OMA1: variants seen among roughly 807,000 people sequenced by gnomAD.
The protein encoded by OMA1 is metalloendopeptidase OMA1, mitochondrial.
Under a neutral mutation model 30.9 loss-of-function variants are expected in OMA1, and 38 were observed. The ratio of observed to expected loss-of-function variants is 1.23; its 90% CI spans 0.95 to 1.61. OMA1 has a LOEUF of 1.61. OMA1 is among the 40% of genes most tolerant of loss of function. The probability of loss-of-function intolerance (pLI) is 0.00; values close to 1 mark genes in which losing one functional copy is unlikely to be tolerated. For missense variants in OMA1, 461 were observed against 349.2 expected, an observed-to-expected ratio of 1.32 and a Z score of -2.55; for synonymous variants, 173 against 121.9, an observed-to-expected ratio of 1.42 and a Z score of -2.76.
chr1:58,488,376 C>T (rs969820695), intron 8 of OMA1, among the ~76,000 whole-genome samples: 21 of 152,178 alleles, frequency 1.4e-4, no homozygotes, highest in African/African-American at 4.6e-4. Context: ...TGTTCAGTTA[C>T]GTGAAAAAGT....
intron 6 of OMA1, 88 bp from the exon 7 acceptor site, chr1:58,527,423 C>A (rs569086664): frequency 4.1e-6 from 3 of 723,924 alleles, no homozygotes; most frequent in East Asian, 2.6e-5. Context: ...AAAACAGTTT[C>A]ATGGAGTATC....
intron 8 of OMA1, among the ~76,000 whole-genome samples, chr1:58,482,692 G>A (rs942275127): frequency 4.6e-5 from 7 of 152,092 alleles, no homozygotes; most frequent in Non-Finnish European, 1.0e-4. Flanking sequence ...GGGTCAAGAG[G>A]GGGACAGACC....
intron 6 of OMA1, among the ~76,000 whole-genome samples, chr1:58,528,831 A>C (rs1407251081): frequency 1.3e-5 from 2 of 152,370 alleles, no homozygotes; most frequent in East Asian, 3.9e-4. Flanking sequence ...CCTCGTCACC[A>C]AAATTATTGA....
At chr1:58,518,953 A>C (rs1380166323) in intron 7 of OMA1, among the ~76,000 whole-genome samples, 1 of 152,220 alleles carries the variant, frequency 6.6e-6, no homozygotes, top group Non-Finnish European at 1.5e-5. Context: ...ACTTGATCAT[A>C]ATCACACAGC....
intron 6 of OMA1, among the ~76,000 whole-genome samples, chr1:58,529,966 T>C (rs1463685932): frequency 2.6e-5 from 4 of 152,036 alleles, no homozygotes; most frequent in Non-Finnish European, 5.9e-5. Context: ...CAGCAAGCTC[T>C]GCCTCCTGGG....
At chr1:58,529,538 C>T (rs1646400909) in intron 6 of OMA1, among the ~76,000 whole-genome samples, 1 of 152,172 alleles carries the variant, frequency 6.6e-6, no homozygotes, top group Admixed American at 6.5e-5. Context: ...TTCCTTTCAG[C>T]ATTTTCAAAG....
chr1:58,533,963 A>T lies in OMA1; in HGVS notation c.1001T>A (p.Leu334His). The T allele has an allele frequency of 2.3e-6, 2 of 872,444 alleles. No individual in the cohort carries two copies. Among genetic ancestry groups the T allele is most frequent in the Non-Finnish European group, 4.0e-6 (2 of 501,474 alleles). 54.0% of individuals were successfully genotyped at this position (872,444 alleles called of 1,614,324 possible). The change falls in exon 5 of 9, where the codon CTT (leucine) becomes CAT (histidine). Residue 334 changes from leucine (L) to histidine (H), a missense_variant. Transcript: ENST00000371226. ...LLGHEIAHAV[L>H]GHAAEKAGMV... ...ATTTTAGGTACTTACAGCATGCCCA[A>T]GTACTGCATGTGCTATTTCATGGCC...
chr1:58,523,576 G>A (rs563252967), intron 7 of OMA1, among the ~76,000 whole-genome samples: 1 of 152,234 alleles, frequency 6.6e-6, no homozygotes, highest in South Asian at 2.1e-4. Flanking sequence ...GGGGTTCCAG[G>A]TGACCAGAGG....
rs138106457 is a variant in OMA1 at position 58,524,840 on chromosome 1, G to T, written c.1215+2421C>A. Reference sequence around the variant, plus strand: ...TTGCACTAAACACAATGAAAAATATGCAAGAACTGCAAGAGACCATTTACT... The same window carrying T: ...TTGCACTAAACACAATGAAAAATATTCAAGAACTGCAAGAGACCATTTACT... On this transcript the variant is annotated intron_variant, in intron 7 of 8. Transcript: ENST00000371226. Among the ~76,000 whole-genome samples, 1,153 of 152,284 alleles carry T rather than the reference G, an allele frequency of 7.6e-3. 7 individuals are homozygous for T. The highest frequency in any genetic ancestry group is 0.02 in the African/African-American group (816 of 41,560).
At chr1:58,512,827 T>C (rs1333731685) in intron 7 of OMA1, among the ~76,000 whole-genome samples, 1 of 152,182 alleles carries the variant, frequency 6.6e-6, no homozygotes, top group Non-Finnish European at 1.5e-5. Flanking sequence ...AGATCTGATA[T>C]ACAGCATGTG....
chr1:58,539,330 A>G lies in OMA1; in HGVS notation c.-16-20T>C, dbSNP rs1272591718. 7.7e-6 allele frequency: 6 copies of G among 783,474 alleles called. No individual in the cohort carries two copies. In the African/African-American group the frequency reaches 8.6e-5, roughly 11 times the overall value. 48.5% of individuals were successfully genotyped at this position (783,474 alleles called of 1,614,324 possible). ...GACTACCTGAAACAAAAAAAAAACT[A>G]TAAATATCTGTGGAAAATATTTACT... On this transcript the variant is annotated intron_variant, in intron 1 of 8. Transcript: ENST00000371226.
At chr1:58,546,309 G>A (rs552052308) in intron 1 of OMA1, among the ~76,000 whole-genome samples, 1 of 152,224 alleles carries the variant, frequency 6.6e-6, no homozygotes, top group Non-Finnish European at 1.5e-5. Flanking sequence ...TGAGGAGCCC[G>A]AAGCCCCGCG....
chr1:58,499,407 C>T (rs914002160), intron 8 of OMA1, among the ~76,000 whole-genome samples: 5 of 151,216 alleles, frequency 3.3e-5, no homozygotes, highest in Non-Finnish European at 5.9e-5. Flanking sequence ...ATTGCTTTAG[C>T]CCAGGACTTC....
In OMA1 at chr1:58,480,842, T is replaced by G. The variant is rs944488193; in HGVS notation, c.*123A>C. ...AGAAGAATTTAGATAATATCTGTAA[T>G]GTACATGATTTGACCCTGAATATCC... On this transcript the variant is annotated 3_prime_UTR_variant, in exon 9 of 9. Coordinates refer to ENST00000371226, the MANE Select transcript of OMA1 (RefSeq NM_145243.5). 3.3e-6 allele frequency: 2 copies of G among 614,280 alleles called. No individual in the cohort carries two copies. Among genetic ancestry groups the G allele is most frequent in the Non-Finnish European group, 5.5e-6 (2 of 365,608 alleles). 38.1% of individuals were successfully genotyped at this position (614,280 alleles called of 1,614,324 possible).
intron 7 of OMA1, 65 bp from the exon 8 acceptor site, chr1:58,506,274 CTTTA>C (rs1471336087): frequency 1.5e-5 from 11 of 747,236 alleles, no homozygotes; most frequent in Non-Finnish European, 2.3e-5. Flanking sequence ...AAAACTACTA[CTTTA>C]TTTTTTTTTA....
At chr1:58,489,495 G>A (rs536984976) in intron 8 of OMA1, among the ~76,000 whole-genome samples, 42 of 152,318 alleles carry the variant, frequency 2.8e-4, no homozygotes, top group African/African-American at 9.4e-4. Flanking sequence ...CTGCCTGCCT[G>A]TGTAGACTCC....
intron 7 of OMA1, among the ~76,000 whole-genome samples, chr1:58,510,390 T>C (rs1455838997): frequency 6.6e-6 from 1 of 152,076 alleles, no homozygotes; most frequent in East Asian, 1.9e-4. Flanking sequence ...ATCATCTCAA[T>C]AGATGCAGAA....
intron 8 of OMA1, among the ~76,000 whole-genome samples, chr1:58,501,911 C>T (rs1233556295): frequency 1.3e-5 from 2 of 151,998 alleles, no homozygotes. Context: ...AAGAGAGCTG[C>T]CTCTCCCTCC....
intron 8 of OMA1, among the ~76,000 whole-genome samples, chr1:58,490,095 T>C (rs1014988553): frequency 7.2e-5 from 11 of 152,238 alleles, no homozygotes; most frequent in African/African-American, 2.7e-4. Context: ...GGACGCAGAA[T>C]GACTTTGACG....
Sources: gnomAD v4.1 joint callset for allele counts (sites outside exome capture counted in the v4.1 genomes callset) on GRCh38, gnomAD v4.1.1 for gene constraint, MANE v1.5 for transcripts, NCBI Gene and HGNC (gene_info 2026-07-23, HGNC 2026-07-21) for gene names.